Variants in SDK2 observed in about 807,000 individuals in gnomAD.
SDK2 encodes sidekick cell adhesion molecule 2.
In SDK2, 105 loss-of-function variants were observed where a neutral mutation model predicts 253.9. The ratio of observed to expected loss-of-function variants is 0.41; its 90% CI spans 0.35 to 0.49. The LOEUF is 0.49. Among genes scored for constraint, SDK2 ranks in the 20% least tolerant of loss-of-function variants. The pLI, the probability that SDK2 is intolerant of heterozygous loss-of-function variation, is 0.06. For synonymous variants in SDK2, 1,249 were observed against 1,234.9 expected, an observed-to-expected ratio of 1.01 and a Z score of -0.24; for missense variants, 2,608 against 3,003.0, an observed-to-expected ratio of 0.87 and a Z score of 3.07.
In SDK2 at chr17:73,355,338, C is replaced by T. The variant is rs548489084; in HGVS notation, c.5594-2701G>A. Among the ~76,000 whole-genome samples, 23 of 149,510 alleles carry T rather than the reference C, an allele frequency of 1.5e-4. No homozygotes were observed. The South Asian group carries it at 4.3e-3, about 28-fold the overall frequency. On this transcript the variant is annotated intron_variant, in intron 40 of 44. Transcript: ENST00000392650. ...GATTATAGGCACCCGCCACCACGCCCGGCTAACTTATTTATTTATTTATTT... is the reference window on the plus strand; with the variant it reads ...GATTATAGGCACCCGCCACCACGCCTGGCTAACTTATTTATTTATTTATTT...
intron 1 of SDK2, among the ~76,000 whole-genome samples, chr17:73,597,003 C>T (rs1156789338): frequency 6.6e-6 from 1 of 152,236 alleles, no homozygotes; most frequent in African/African-American, 2.4e-5. Flanking sequence ...GGAATCGTCT[C>T]CTCACTTCAG....
intron 1 of SDK2, among the ~76,000 whole-genome samples, chr17:73,566,013 G>A (rs1410630014): frequency 6.6e-6 from 1 of 152,060 alleles, no homozygotes; most frequent in Non-Finnish European, 1.5e-5. Context: ...TAGTAGAGAC[G>A]GGTTTCACCA....
intron 36 of SDK2, among the ~76,000 whole-genome samples, chr17:73,376,458 C>T (rs1413737784): frequency 6.6e-6 from 1 of 152,210 alleles, no homozygotes; most frequent in East Asian, 1.9e-4. Flanking sequence ...GTATCAGCTT[C>T]GGTGTGCTCA....
At chr17:73,552,841 C>T (rs181401041) in intron 1 of SDK2, among the ~76,000 whole-genome samples, 4 of 152,372 alleles carry the variant, frequency 2.6e-5, no homozygotes, top group Admixed American at 2.0e-4. Context: ...GTTTACACTG[C>T]ACTCTAAGCC....
intron 4 of SDK2, among the ~76,000 whole-genome samples, chr17:73,452,043 C>T (rs1169191178): frequency 6.6e-6 from 1 of 152,076 alleles, no homozygotes; most frequent in Non-Finnish European, 1.5e-5. Flanking sequence ...CCCCACTGCT[C>T]CTGTTAATCC....
rs751293920 is a variant in SDK2 at position 73,388,017 on chromosome 17, T to C, written c.4213A>G (p.Arg1405Gly). ...ACATCCTCCTGCTGCACCATCGGCC[T>C]GCTGGGGGGCTGCGGACGGTCTGGG... ...EKRDRPQPPSRPMVQQEDVRA... is the reference protein window; with the variant it reads ...EKRDRPQPPSGPMVQQEDVRA... Residue 1405 changes from arginine to glycine, a missense_variant, in exon 30 of 45, where the codon AGG (arginine) becomes GGG (glycine). Around this residue, in one of 2 missense-constraint regions of SDK2, gnomAD observed 1,103 missense variants for 1,143.9 expected, o/e 0.96. Coordinates refer to ENST00000392650, the MANE Select transcript of SDK2 (RefSeq NM_001144952.2). 1 of 1,568,594 alleles carries C rather than the reference T, an allele frequency of 6.4e-7. No individual in the cohort carries two copies. The highest frequency in any genetic ancestry group is 1.9e-5 in the Admixed American group (1 of 53,018).
In SDK2 at chr17:73,395,699, G is replaced by A. The variant is rs1376705453; in HGVS notation, c.3355-307C>T. On this transcript the variant is annotated intron_variant, in intron 24 of 44. Transcript: ENST00000392650. This position sits in a 1 kb window ranked among gnomAD's most constrained non-coding sequence, Gnocchi z 4.3. ...ACAAAGGCTGTGTGTCTGACACACC[G>A]ATAGCACCGCCACCTTTGGCTCTGC... Among the ~76,000 whole-genome samples, 1 of 152,188 alleles carries A rather than the reference G, an allele frequency of 6.6e-6. No homozygotes were observed. Among genetic ancestry groups the A allele is most frequent in the Admixed American group, 6.5e-5 (1 of 15,270 alleles).
chr17:73,549,363 ACT>A (rs1203858376), intron 1 of SDK2, among the ~76,000 whole-genome samples: 1 of 151,936 alleles, frequency 6.6e-6, no homozygotes, highest in Non-Finnish European at 1.5e-5. Flanking sequence ...CTCTGCAGGT[ACT>A]CTTTGCCCTT....
intron 2 of SDK2, among the ~76,000 whole-genome samples, chr17:73,501,341 C>T (rs2063889982): frequency 6.6e-6 from 1 of 152,202 alleles, no homozygotes; most frequent in Non-Finnish European, 1.5e-5. Context: ...CCCCCCACCA[C>T]CTGTCCCCAG....
chr17:73,554,265 C>G (rs1288492047), intron 1 of SDK2, among the ~76,000 whole-genome samples: 1 of 152,212 alleles, frequency 6.6e-6, no homozygotes, highest in African/African-American at 2.4e-5. Flanking sequence ...CTAGATGAAG[C>G]AGAACCACTT....
rs1049487640 is a variant in SDK2 at position 73,429,335 on chromosome 17, TCTAA to T, written c.1583+1172_1583+1175del. ...ATTCTGGAATCTCAGTCAAAAATCTTCTAACTATTAATACATCTATGTACATTTT... is the reference window on the plus strand; with the variant it reads ...ATTCTGGAATCTCAGTCAAAAATCTTCTATTAATACATCTATGTACATTTT... On this transcript the variant is annotated intron_variant, in intron 12 of 44. Coordinates refer to ENST00000392650, the MANE Select transcript of SDK2 (RefSeq NM_001144952.2). Among the ~76,000 whole-genome samples the T allele has an allele frequency of 3.9e-4, 59 of 152,316 alleles. 1 individual carries two copies. Among genetic ancestry groups the T allele is most frequent in the African/African-American group, 1.2e-3 (48 of 41,572 alleles).
intron 1 of SDK2, among the ~76,000 whole-genome samples, chr17:73,546,539 C>A (rs899676621): frequency 1.8e-4 from 27 of 152,218 alleles, no homozygotes; most frequent in Non-Finnish European, 1.5e-5. Context: ...CCACACAGGC[C>A]ACACTGCCTC....
Position 73,438,118 on chromosome 17 carries a change from G to A in SDK2, c.762C>T (p.Asp254=), listed in dbSNP as rs1379284310. 9.0e-6 allele frequency: 14 copies of A among 1,551,642 alleles called. No individual in the cohort carries two copies. The highest frequency in any genetic ancestry group is 2.4e-5 in the East Asian group (1 of 40,926). The change falls in exon 7 of 45, where the codon GAC becomes GAT. Residue 254 remains aspartate, a synonymous_variant. Transcript: ENST00000392650. ...LIKLHIIWKK[D]GVLLSGGISD... is the part of the protein sequence containing the mutation. ...TGATGCCGCCCGACAGCAATACCCC[G>A]TCCTTCTTCCAAATGATATGTAGCT... is the stretch of plus-strand genomic sequence containing the variant.
At chr17:73,623,824 C>T in intron 1 of SDK2, among the ~76,000 whole-genome samples, 1 of 152,210 alleles carries the variant, frequency 6.6e-6, no homozygotes, top group East Asian at 1.9e-4. Context: ...GGGAATTGCC[C>T]TTCAATAAGT....
At chr17:73,625,788 G>A (rs1305344556) in intron 1 of SDK2, among the ~76,000 whole-genome samples, 1 of 152,042 alleles carries the variant, frequency 6.6e-6, no homozygotes, top group Non-Finnish European at 1.5e-5. Context: ...GGGATTACAG[G>A]TGCCCGCCAC....
At chr17:73,499,040 C>T (rs191601314) in intron 2 of SDK2, among the ~76,000 whole-genome samples, 3 of 152,318 alleles carry the variant, frequency 2.0e-5, no homozygotes, top group Non-Finnish European at 4.4e-5. Context: ...GAGCTTGGCT[C>T]GGTTCCTGGC....
chr17:73,401,909 G>C (rs371867380), intron 19 of SDK2, 37 bp downstream of exon 19: 12 of 1,492,042 alleles, frequency 8.0e-6, no homozygotes, highest in African/African-American at 1.4e-5. Flanking sequence ...GCCTTGGGCG[G>C]GGGGGGGCAG....
chr17:73,441,646 T>G (rs191287363), intron 5 of SDK2, among the ~76,000 whole-genome samples: 201 of 152,306 alleles, frequency 1.3e-3, no homozygotes, highest in Middle Eastern at 6.8e-3. Context: ...ATGAGACTCC[T>G]CTAGAATCTT....
intron 2 of SDK2, among the ~76,000 whole-genome samples, chr17:73,491,126 G>T (rs2063803525): frequency 6.6e-6 from 1 of 152,200 alleles, no homozygotes; most frequent in African/African-American, 2.4e-5. Context: ...GTAAGGCATA[G>T]TCGGCAATCT....
Sources: gnomAD v4.1 joint callset for allele counts (sites outside exome capture counted in the v4.1 genomes callset) on GRCh38, gnomAD v4.1.1 for gene constraint, gnomAD v4.1.1 regional missense constraint, Gnocchi (gnomAD v3.1) non-coding constraint, MANE v1.5 for transcripts, NCBI Gene and HGNC (gene_info 2026-07-23, HGNC 2026-07-21) for gene names.